Variants in PLXND1 observed in about 807,000 individuals in gnomAD.
PLXND1 encodes the protein plexin D1.
A neutral mutation model predicts 197.7 loss-of-function variants in PLXND1; 54 were observed. The ratio of observed to expected loss-of-function variants is 0.27; its 90% CI spans 0.22 to 0.34. PLXND1 has a LOEUF of 0.34. Among genes scored for constraint, PLXND1 ranks in the 10% least tolerant of loss-of-function variants. The probability of loss-of-function intolerance (pLI) is 1.00; values close to 1 mark genes in which losing one functional copy is unlikely to be tolerated. For missense variants in PLXND1, 2,127 were observed against 2,699.2 expected (o/e 0.79, Z 4.70); for synonymous variants, 1,180 against 1,161.2 (o/e 1.02, Z -0.33).
intron 1 of PLXND1, among the ~76,000 whole-genome samples, chr3:129,601,026 G>A (rs1006650820): frequency 2.6e-5 from 4 of 152,100 alleles, no homozygotes; most frequent in Non-Finnish European, 4.4e-5. Context: ...AAGACTTGGG[G>A]AAGGAAGGTA....
intron 8 of PLXND1, among the ~76,000 whole-genome samples, chr3:129,582,487 G>T (rs529972045): frequency 2.6e-5 from 4 of 152,322 alleles, no homozygotes; most frequent in African/African-American, 9.6e-5. Flanking sequence ...CTGGAGAGAT[G>T]AGCTGCAGGA....
chr3:129,589,099 G>C (rs2085499841), intron 2 of PLXND1, among the ~76,000 whole-genome samples: 1 of 152,216 alleles, frequency 6.6e-6, no homozygotes, highest in African/African-American at 2.4e-5. Context: ...CCCAGTCCTA[G>C]AGCCTCTGAG....
Position 129,571,856 on chromosome 3 carries a change from A to T in PLXND1, c.3078-12T>A. The T allele has an allele frequency of 6.2e-7, 1 of 1,600,572 alleles. No individual in the cohort carries two copies. The highest frequency in any genetic ancestry group is 8.5e-7 in the Non-Finnish European group (1 of 1,173,738). ...TGGTATCTGTGCGCCTGGGGGGAGC[A>T]GCAGGTTATCAGCAGGGCCTGCCTT... On this transcript the variant is annotated splice_polypyrimidine_tract_variant and intron_variant, in intron 15 of 35. Coordinates refer to ENST00000324093, the MANE Select transcript of PLXND1 (RefSeq NM_015103.3).
At chr3:129,586,452 G>A in intron 3 of PLXND1, 136 bp downstream of exon 3, 2 of 1,174,190 alleles carry the variant, frequency 1.7e-6, no homozygotes, top group Admixed American at 2.0e-5. Flanking sequence ...GGAGGCGCAG[G>A]ACAAGGTGGA....
intron 14 of PLXND1, 25 bp from the exon 15 acceptor site, chr3:129,572,773 G>A: frequency 6.2e-7 from 1 of 1,602,552 alleles, no homozygotes; most frequent in Non-Finnish European, 8.5e-7. Context: ...CAGGCGTTTG[G>A]GCCTCGGGCC....
In PLXND1 at chr3:129,584,129, T is replaced by C; in HGVS notation, c.2134A>G (p.Thr712Ala). The C allele has an allele frequency of 6.4e-7, 1 of 1,556,296 alleles. No individual in the cohort carries two copies. Among genetic ancestry groups the C allele is most frequent in the Non-Finnish European group, 8.7e-7 (1 of 1,147,684 alleles). ...CAAGCCACCCAAGCCACTCACGCTG[T>C]GTGGGGGTACACTTGTGCAGTGCGG... The part of the protein sequence containing the change: ...CSRTAQVYPH[T>A]ACTSCLSAQW... The change falls in exon 7 of 36, where the codon ACA becomes GCA. Residue 712 changes from threonine to alanine, a missense_variant. Physicochemically the swap from Thr to Ala is moderately conservative, Grantham distance 58. Around this residue, in one of 6 missense-constraint regions of PLXND1, gnomAD observed 1,095 missense variants for 1,259.8 expected, o/e 0.87. Coordinates refer to ENST00000324093, the MANE Select transcript of PLXND1 (RefSeq NM_015103.3).
Position 129,565,379 on chromosome 3 carries a change from G to A in PLXND1, c.4482C>T (p.Leu1494=), listed in dbSNP as rs562216138. 1 of 1,614,120 alleles carries A rather than the reference G, an allele frequency of 6.2e-7. No individual in the cohort carries two copies. Among genetic ancestry groups the A allele is most frequent in the Non-Finnish European group, 8.5e-7 (1 of 1,180,030 alleles). Residue 1494 remains leucine (L), a synonymous_variant, in exon 25 of 36, where the codon CTC becomes CTT. Coordinates refer to ENST00000324093, the MANE Select transcript of PLXND1 (RefSeq NM_015103.3). ...RRTESVVEKM[L]TNWMSICMYS... is the part of the protein sequence containing the mutation. ...ACATGCAGATGGACATCCAGTTGGT[G>A]AGCATCTTCTCCACCACAGACTCTG...
At position 129,606,010 on chromosome 3, in the gene PLXND1, G is replaced by A; in HGVS notation, c.630C>T (p.Gly210=). 3 of 1,608,294 alleles carry A rather than the reference G, an allele frequency of 1.9e-6. No homozygotes were observed. The highest frequency in any genetic ancestry group is 2.5e-6 in the Non-Finnish European group (3 of 1,178,884). ...AGAGGSRLLV[G]ATYTGYGSSF... ...AGCTGCCGTAACCGGTGTACGTGGC[G>A]CCCACGAGCAGGCGGCTGCCCCCCG... Residue 210 remains glycine (G), a synonymous_variant, in exon 1 of 36, where the codon GGC becomes GGT. Coordinates refer to ENST00000324093, the MANE Select transcript of PLXND1 (RefSeq NM_015103.3).
intron 19 of PLXND1, 121 bp downstream of exon 19, chr3:129,570,665 G>C (rs767044215): frequency 7.4e-6 from 7 of 947,428 alleles, no homozygotes; most frequent in African/African-American, 1.6e-5. Flanking sequence ...TGCTTTGCTG[G>C]ACTGAGCTGT....
In PLXND1 at chr3:129,577,875, T is replaced by C. The variant is rs1405780846; in HGVS notation, c.2346+454A>G. Among the ~76,000 whole-genome samples, 2 of 152,228 alleles carry C rather than the reference T, an allele frequency of 1.3e-5. No homozygotes were observed. The highest frequency in any genetic ancestry group is 1.9e-4 in the East Asian group (1 of 5,178). ...GGCCTCATCTTCCCCATCTGGACAA[T>C]GGGGAATGGGGTGGCCAAGGGGTTC... On this transcript the variant is annotated intron_variant, in intron 9 of 35. Transcript: ENST00000324093. This position sits in a 1 kb window ranked among gnomAD's most constrained non-coding sequence, Gnocchi z 5.0.
chr3:129,573,513 G>A, intron 13 of PLXND1, 81 bp downstream of exon 13: 2 of 1,348,384 alleles, frequency 1.5e-6, no homozygotes, highest in East Asian at 2.3e-5. Flanking sequence ...GAGGACAGAG[G>A]ATGGGGAGGG....
rs2084962675 is a variant in PLXND1 at position 129,555,610 on chromosome 3, C to A, written c.*702G>T. ...GCAAGATCAAGTAGCCCAGCTACAG[C>A]CTCGGTGCATCTTAACCCCTCTCCT... On this transcript the variant is annotated 3_prime_UTR_variant, in exon 36 of 36. Coordinates refer to ENST00000324093, the MANE Select transcript of PLXND1 (RefSeq NM_015103.3). The A allele has an allele frequency of 3.2e-6, 2 of 622,308 alleles. No individual in the cohort carries two copies. The highest frequency in any genetic ancestry group is 3.1e-5 in the Admixed American group (1 of 32,452). The allele number at this position is 622,308 out of a possible 1,614,324, so 38.5% of individuals were successfully genotyped here. A position where few individuals can be genotyped will look rare whatever the true frequency, so the allele number is the denominator to read the frequency against.
intron 1 of PLXND1, among the ~76,000 whole-genome samples, chr3:129,594,107 T>G (rs1432262406): frequency 6.6e-6 from 1 of 152,144 alleles, no homozygotes; most frequent in East Asian, 1.9e-4. Context: ...GCATTAACAG[T>G]GGGCGCTGCG....
chr3:129,575,130 T>C (rs11923853), intron 11 of PLXND1, among the ~76,000 whole-genome samples: 23,220 of 152,138 alleles, frequency 0.15, 4,100 homozygotes, highest in African/African-American at 0.43. Flanking sequence ...ACTGCACAGC[T>C]GCCACGCGAG....
intron 1 of PLXND1, among the ~76,000 whole-genome samples, chr3:129,596,210 C>T (rs555407809): frequency 1.3e-5 from 2 of 152,110 alleles, no homozygotes; most frequent in Non-Finnish European, 2.9e-5. Context: ...CGGGAGCTCC[C>T]GAGGACAGGG....
At chr3:129,572,810 G>A (rs371449553) in intron 14 of PLXND1, 32 bp downstream of exon 14, 85 of 1,612,374 alleles carry the variant, frequency 5.3e-5, no homozygotes, top group Admixed American at 6.7e-5. Context: ...CGTGCTGGGC[G>A]GGCCGGACAG....
intron 1 of PLXND1, among the ~76,000 whole-genome samples, chr3:129,602,532 C>G (rs899816949): frequency 6.6e-6 from 1 of 152,238 alleles, no homozygotes. Flanking sequence ...CTCGGCTCAC[C>G]TGCCCAGCCC....
In PLXND1 at chr3:129,571,229, C is replaced by T. The variant is rs1184552435; in HGVS notation, c.3411G>A (p.Val1137=). The part of the protein sequence containing the change: ...PGALSNASAP[V]DFFINGRAYA... ...AGGCCCGCCCATTGATGAAGAAGTC[C>T]ACTGGCGCTGATGCGTTGCTCAGGG... Residue 1137 remains valine, a synonymous_variant, in exon 18 of 36, where the codon GTG becomes GTA. Transcript: ENST00000324093. 6.2e-7 allele frequency: 1 copy of T among 1,614,148 alleles called. No individual in the cohort carries two copies. The highest frequency in any genetic ancestry group is 8.5e-7 in the Non-Finnish European group (1 of 1,180,020).
chr3:129,602,835 T>C (rs747311293), intron 1 of PLXND1, among the ~76,000 whole-genome samples: 8 of 152,176 alleles, frequency 5.3e-5, no homozygotes, highest in Non-Finnish European at 1.2e-4. Flanking sequence ...CATCTAGTCC[T>C]TAAAACAATG....
Sources: gnomAD v4.1 joint callset for allele counts (sites outside exome capture counted in the v4.1 genomes callset) on GRCh38, gnomAD v4.1.1 for gene constraint, gnomAD v4.1.1 regional missense constraint, Gnocchi (gnomAD v3.1) non-coding constraint, MANE v1.5 for transcripts, NCBI Gene and HGNC (gene_info 2026-07-23, HGNC 2026-07-21) for gene names.